NAALAD2: variants seen among roughly 807,000 people sequenced by gnomAD.
NAALAD2 encodes the protein N-acetylated-alpha-linked acidic dipeptidase 2.
NAALAD2 carries 89 observed loss-of-function variants against 95.6 expected under a neutral mutation model. The observed-to-expected ratio is 0.93, with a 90% CI of 0.78 to 1.11. The LOEUF is 1.11. NAALAD2 is among the 50% of genes least tolerant of loss of function. The pLI, the probability that NAALAD2 is intolerant of heterozygous loss-of-function variation, is 0.00. For missense variants in NAALAD2, 894 were observed against 872.4 expected (o/e 1.02, Z -0.31); for synonymous variants, 264 against 294.4 (o/e 0.90, Z 1.06).
chr11:90,152,550 C>A lies in NAALAD2; in HGVS notation c.796+66C>A, dbSNP rs529891486. ...ACTCCTTGCCCTTTTAGAAGGAATA[C>A]AAGCAAGCATGTTCAGAATAATATT... On this transcript the variant is annotated intron_variant, in intron 6 of 18. Coordinates refer to ENST00000534061, the MANE Select transcript of NAALAD2 (RefSeq NM_005467.4). 9 of 1,260,034 alleles carry A rather than the reference C, an allele frequency of 7.1e-6. No individual in the cohort carries two copies. In the Admixed American group the frequency reaches 1.2e-4, roughly 17 times the overall value. 78.1% of individuals were successfully genotyped at this position (1,260,034 alleles called of 1,614,324 possible).
chr11:90,169,293 T>G (rs1329346737), intron 12 of NAALAD2: 2 of 190,192 alleles, frequency 1.1e-5, no homozygotes, highest in African/African-American at 6.2e-5. Context: ...AACCACATAT[T>G]TTCTCGATAA....
At chr11:90,148,572 A>G (rs1232059010) in intron 3 of NAALAD2, among the ~76,000 whole-genome samples, 1 of 152,222 alleles carries the variant, frequency 6.6e-6, no homozygotes, top group Non-Finnish European at 1.5e-5. Flanking sequence ...TCATAAGCAT[A>G]TTAGCTATTG....
chr11:90,173,964 C>T, intron 14 of NAALAD2, 49 bp downstream of exon 14: 1 of 1,167,958 alleles, frequency 8.6e-7, no homozygotes, highest in Non-Finnish European at 1.3e-6. Context: ...GTTATGAATT[C>T]CCCTCTGCCT....
intron 8 of NAALAD2, 131 bp downstream of exon 8, chr11:90,159,468 TAAG>T: frequency 1.6e-6 from 1 of 608,124 alleles, no homozygotes; most frequent in Non-Finnish European, 2.9e-6. Flanking sequence ...TTACATTACT[TAAG>T]AAGTACTTAC....
intron 15 of NAALAD2, 140 bp downstream of exon 15, chr11:90,176,202 C>T (rs1196757982): frequency 1.7e-6 from 1 of 593,342 alleles, no homozygotes; most frequent in Non-Finnish European, 3.0e-6. Context: ...GACTGCATGT[C>T]CCTTTCCAGA....
At chr11:90,152,894 G>A (rs1163855221) in intron 6 of NAALAD2, among the ~76,000 whole-genome samples, 1 of 151,670 alleles carries the variant, frequency 6.6e-6, no homozygotes, top group Non-Finnish European at 1.5e-5. Context: ...ATGAGTTTTT[G>A]TGTTATTTAA....
intron 18 of NAALAD2, among the ~76,000 whole-genome samples, chr11:90,187,654 A>C (rs1226497541): frequency 3.9e-5 from 6 of 152,206 alleles, no homozygotes; most frequent in African/African-American, 1.4e-4. Context: ...AATGTATATC[A>C]GGTTAAAAAT....
At chr11:90,139,089 G>A (rs1416214628) in intron 2 of NAALAD2, among the ~76,000 whole-genome samples, 1 of 151,926 alleles carries the variant, frequency 6.6e-6, no homozygotes, top group Non-Finnish European at 1.5e-5. Flanking sequence ...TTGATCTCAG[G>A]GTTTCTGGGT....
intron 2 of NAALAD2, among the ~76,000 whole-genome samples, chr11:90,144,108 A>G (rs566815213): frequency 1.3e-5 from 2 of 152,310 alleles, no homozygotes; most frequent in South Asian, 2.1e-4. Context: ...CATCACTTGA[A>G]GAGAGATACA....
At chr11:90,170,513 G>T (rs1032447085) in intron 13 of NAALAD2, among the ~76,000 whole-genome samples, 6 of 152,158 alleles carry the variant, frequency 3.9e-5, no homozygotes, top group African/African-American at 1.4e-4. Flanking sequence ...CTATATGTCA[G>T]ATTCTACAAA....
At chr11:90,141,664 G>C (rs572706033) in intron 2 of NAALAD2, among the ~76,000 whole-genome samples, 1 of 151,972 alleles carries the variant, frequency 6.6e-6, no homozygotes, top group South Asian at 2.1e-4. Flanking sequence ...TTCCCAGGCT[G>C]GTTTCAAACT....
At position 90,135,601 on chromosome 11, in the gene NAALAD2, G is replaced by A. The variant is rs200321976; in HGVS notation, c.125G>A (p.Arg42His). 19 of 1,613,046 alleles carry A rather than the reference G, an allele frequency of 1.2e-5. No individual in the cohort carries two copies. Among genetic ancestry groups the A allele is most frequent in the Non-Finnish European group, 1.4e-5 (16 of 1,179,462 alleles). The part of the protein sequence containing the change: ...KPLKETTTSV[R>H]YHQSIRWKLV... ...CTCAAAGAAACGACCACTTCTGTGC[G>A]CTATCATCAAAGTATACGGTGGAAA... Residue 42 changes from arginine (R) to histidine (H), a missense_variant, in exon 2 of 19, where the codon CGC (arginine) becomes CAC (histidine). Arg to His is a conservative substitution (Grantham distance 29). Coordinates refer to ENST00000534061, the MANE Select transcript of NAALAD2 (RefSeq NM_005467.4).
At chr11:90,188,334 A>G (rs1857222526) in intron 18 of NAALAD2, among the ~76,000 whole-genome samples, 2 of 152,374 alleles carry the variant, frequency 1.3e-5, no homozygotes, top group South Asian at 2.1e-4. Flanking sequence ...TGTGGAACAT[A>G]TAAAACATTC....
intron 11 of NAALAD2, chr11:90,164,499 G>A (rs189943269): frequency 2.2e-4 from 33 of 152,190 alleles, no homozygotes; most frequent in African/African-American, 6.0e-4. Flanking sequence ...CTGCCTTGAC[G>A]CAGTGGTAAA....
chr11:90,166,590 C>T (rs920609924), intron 11 of NAALAD2, among the ~76,000 whole-genome samples: 1 of 152,220 alleles, frequency 6.6e-6, no homozygotes, highest in Non-Finnish European at 1.5e-5. Context: ...TATCCCAGCA[C>T]TTTGGGAGGC....
At chr11:90,175,278 T>A (rs1452702739) in intron 14 of NAALAD2, among the ~76,000 whole-genome samples, 2 of 152,314 alleles carry the variant, frequency 1.3e-5, no homozygotes, top group South Asian at 2.1e-4. Context: ...AAATGATTTC[T>A]AAAACATTGA....
intron 14 of NAALAD2, among the ~76,000 whole-genome samples, chr11:90,174,746 C>A (rs1943351): frequency 0.4 from 60,981 of 151,220 alleles, 12,507 homozygotes; most frequent in South Asian, 0.49. Flanking sequence ...TTTCTTTTTT[C>A]TAAACATTAT....
At chr11:90,177,556 T>C (rs1952829483) in intron 15 of NAALAD2, among the ~76,000 whole-genome samples, 1 of 147,748 alleles carries the variant, frequency 6.8e-6, no homozygotes, top group Admixed American at 6.8e-5. Flanking sequence ...AAACTCAGGG[T>C]GTTATATGGT....
intron 3 of NAALAD2, among the ~76,000 whole-genome samples, chr11:90,148,531 A>G (rs537301991): frequency 1.4e-4 from 21 of 152,350 alleles, no homozygotes; most frequent in African/African-American, 4.8e-4. Flanking sequence ...ACCACCAAAC[A>G]TTTAAATATA....
Sources: gnomAD v4.1 joint callset for allele counts (sites outside exome capture counted in the v4.1 genomes callset) on GRCh38, gnomAD v4.1.1 for gene constraint, MANE v1.5 for transcripts, NCBI Gene and HGNC (gene_info 2026-07-23, HGNC 2026-07-21) for gene names.